The following POFUT4 variants were observed in gnomAD, a reference collection of about 807,000 sequenced individuals.
POFUT4 encodes protein O-fucosyltransferase 4.
chr10:73,773,184 G>A, the POFUT4 span: 1 of 1,604,704 alleles, frequency 6.2e-7, no homozygotes, highest in Non-Finnish European at 8.5e-7. Flanking sequence ...ACTGTACCCG[G>A]TCTAGGTAGA....
chr10:73,776,668 C>T, the POFUT4 span, among the ~76,000 whole-genome samples: 1 of 152,092 alleles, frequency 6.6e-6, no homozygotes, highest in Non-Finnish European at 1.5e-5. Flanking sequence ...GGTGACAGAG[C>T]GAGACACCGT....
the POFUT4 span, chr10:73,774,023 G>A: frequency 1.8e-6 from 1 of 561,352 alleles, no homozygotes; most frequent in Non-Finnish European, 3.1e-6. Flanking sequence ...GGCAACGTAT[G>A]AAAATCAGCT....
At chr10:73,772,982 C>T in the POFUT4 span, 82 of 1,598,998 alleles carry the variant, frequency 5.1e-5, no homozygotes, top group Non-Finnish European at 6.6e-5. Context: ...TCTGCAGTCA[C>T]ACTGCGACGT....
the POFUT4 span, chr10:73,772,392 C>T: frequency 3.8e-6 from 6 of 1,567,356 alleles, no homozygotes; most frequent in Admixed American, 7.5e-5. Context: ...AGTGTCTGTG[C>T]AGCCAGCGGC....
the POFUT4 span, chr10:73,779,011 T>C: frequency 1.3e-4 from 19 of 148,894 alleles, no homozygotes; most frequent in African/African-American, 4.5e-4. Flanking sequence ...ATGGTGTGTG[T>C]GCCTTGTAGA....
the POFUT4 span, among the ~76,000 whole-genome samples, chr10:73,778,563 TAGTG>T: frequency 6.6e-6 from 1 of 152,044 alleles, no homozygotes; most frequent in Non-Finnish European, 1.5e-5. Flanking sequence ...TGTAATGTAT[TAGTG>T]AGTTATCACT....
At chr10:73,773,015 G>A in the POFUT4 span, 2 of 1,581,774 alleles carry the variant, frequency 1.3e-6, no homozygotes, top group African/African-American at 1.3e-5. Context: ...GGACCGCTAC[G>A]TGCGCGAGCT....
the POFUT4 span, chr10:73,775,476 G>C: frequency 6.2e-7 from 1 of 1,613,910 alleles, no homozygotes; most frequent in Non-Finnish European, 8.5e-7. Flanking sequence ...GGCCCCACTC[G>C]GAAAAAGGCA....
the POFUT4 span, chr10:73,772,812 C>G: frequency 6.2e-7 from 1 of 1,611,938 alleles, no homozygotes; most frequent in Non-Finnish European, 8.5e-7. Flanking sequence ...AGCCACGGCC[C>G]GGGCATCCGC....
At chr10:73,773,183 G>A in the POFUT4 span, 1 of 1,603,466 alleles carries the variant, frequency 6.2e-7, no homozygotes, top group African/African-American at 1.3e-5. Flanking sequence ...TACTGTACCC[G>A]GTCTAGGTAG....
At chr10:73,773,221 G>T in the POFUT4 span, 2 of 1,612,758 alleles carry the variant, frequency 1.2e-6, no homozygotes, top group Non-Finnish European at 8.5e-7. Flanking sequence ...CTGCAGAATC[G>T]GGAGCTGCCT....
chr10:73,773,674 G>C, the POFUT4 span: 2 of 1,614,208 alleles, frequency 1.2e-6, no homozygotes, highest in Admixed American at 3.3e-5. Context: ...GAACTGGCTC[G>C]GCTGGATGCC....
chr10:73,775,773 T>A, the POFUT4 span: 1 of 1,289,478 alleles, frequency 7.8e-7, no homozygotes, highest in Non-Finnish European at 1.1e-6. Context: ...CACAAACCCT[T>A]AATGAACACT....
the POFUT4 span, chr10:73,773,608 A>G: frequency 6.2e-7 from 1 of 1,614,256 alleles, no homozygotes; most frequent in Non-Finnish European, 8.5e-7. Flanking sequence ...TGGGGAGTGA[A>G]TGATCCTTTG....
chr10:73,780,066 T>C, the POFUT4 span: 1 of 152,214 alleles, frequency 6.6e-6, no homozygotes, highest in African/African-American at 2.4e-5. Context: ...AATCTTCTGA[T>C]TTGGGGCCCA....
the POFUT4 span, among the ~76,000 whole-genome samples, chr10:73,777,964 A>G: frequency 1.3e-5 from 2 of 151,174 alleles, no homozygotes; most frequent in Admixed American, 1.3e-4. Context: ...GGTTCAAGCA[A>G]TTCTCGTGTC....
At chr10:73,775,833 C>G in the POFUT4 span, 1 of 826,154 alleles carries the variant, frequency 1.2e-6, no homozygotes. Context: ...AAGATTTTAT[C>G]TTAATGATGA....
the POFUT4 span, chr10:73,773,417 G>T: frequency 6.2e-7 from 1 of 1,614,216 alleles, no homozygotes; most frequent in Non-Finnish European, 8.5e-7. Flanking sequence ...CCTCTGTGAG[G>T]GACTGGATGC....
chr10:73,773,837 G>A, the POFUT4 span: 1 of 1,529,014 alleles, frequency 6.5e-7, no homozygotes, highest in Non-Finnish European at 8.8e-7. Context: ...GGGGTCCCCT[G>A]CAGCTATCAA....
Sources: allele counts gnomAD v4.1 joint callset (sites outside exome capture counted in the v4.1 genomes callset), GRCh38; gene constraint gnomAD v4.1.1; transcripts MANE v1.5; gene names NCBI Gene and HGNC (gene_info 2026-07-23, HGNC 2026-07-21).